Variants in AFF3 observed in about 807,000 individuals in gnomAD.
The protein encoded by AFF3 is AF4/FMR2 family member 3.
A neutral mutation model predicts 129.7 loss-of-function variants in AFF3; 32 were observed. The ratio of observed to expected loss-of-function variants is 0.25; its 90% CI spans 0.19 to 0.33. AFF3 has a LOEUF of 0.33. Among genes scored for constraint, AFF3 ranks in the 10% least tolerant of loss-of-function variants. The probability of loss-of-function intolerance (pLI) is 1.00; values close to 1 mark genes in which losing one functional copy is unlikely to be tolerated. For missense variants in AFF3, 1,373 were observed against 1,592.0 expected, an observed-to-expected ratio of 0.86 and a Z score of 2.34; for synonymous variants, 644 against 635.4, an observed-to-expected ratio of 1.01 and a Z score of -0.20.
intron 13 of AFF3, among the ~76,000 whole-genome samples, chr2:99,640,516 A>G (rs1318094085): frequency 2.0e-5 from 3 of 152,176 alleles, no homozygotes; most frequent in Non-Finnish European, 4.4e-5. Context: ...TGCTTTGCCC[A>G]AAGTAAATTC....
intron 7 of AFF3, among the ~76,000 whole-genome samples, chr2:99,921,270 C>G (rs1695840419): frequency 6.6e-6 from 1 of 152,064 alleles, no homozygotes; most frequent in South Asian, 2.1e-4. Flanking sequence ...TTCAGATAAA[C>G]ACATATTGAT....
intron 7 of AFF3, among the ~76,000 whole-genome samples, chr2:99,885,880 A>T (rs1026093794): frequency 4.6e-5 from 7 of 152,134 alleles, no homozygotes; most frequent in Non-Finnish European, 5.9e-5. Flanking sequence ...CATGTGATAG[A>T]GCTTCTCCAC....
chr2:99,806,362 AT>A (rs1445886683), intron 8 of AFF3, among the ~76,000 whole-genome samples: 1 of 152,200 alleles, frequency 6.6e-6, no homozygotes, highest in African/African-American at 2.4e-5. Context: ...CCCTGCTCTC[AT>A]GGAATTCATG....
chr2:99,675,529 T>C (rs1412492433), intron 11 of AFF3, among the ~76,000 whole-genome samples: 1 of 152,196 alleles, frequency 6.6e-6, no homozygotes, highest in East Asian at 1.9e-4. Context: ...CTCAACTCCC[T>C]AGCAAACGGC....
chr2:99,687,446 T>C (rs1205809496), intron 11 of AFF3, among the ~76,000 whole-genome samples: 1 of 150,650 alleles, frequency 6.6e-6, no homozygotes, highest in Non-Finnish European at 1.5e-5. Flanking sequence ...GTAATGGGAG[T>C]GAGTGGGAGC....
At position 99,587,153 on chromosome 2, in the gene AFF3, C is replaced by G; in HGVS notation, c.2591+1G>C. The G allele has an allele frequency of 6.2e-7, 1 of 1,614,012 alleles. No individual in the cohort carries two copies. Among genetic ancestry groups the G allele is most frequent in the Non-Finnish European group, 8.5e-7 (1 of 1,179,960 alleles). On this transcript the variant is annotated splice_donor_variant, in intron 16 of 24. Transcript: ENST00000672756. LOFTEE classifies it high-confidence loss of function. Reference sequence around the variant, plus strand: ...TTCCACTTTGGAGGGAATGCACGTACCTGTTGATGTTCATGTTGCAGTGGT... The same window carrying G: ...TTCCACTTTGGAGGGAATGCACGTAGCTGTTGATGTTCATGTTGCAGTGGT...
At chr2:100,070,012 C>T (rs1688040984) in intron 4 of AFF3, among the ~76,000 whole-genome samples, 1 of 152,194 alleles carries the variant, frequency 6.6e-6, no homozygotes, top group African/African-American at 2.4e-5. Flanking sequence ...CCTGTCCTGA[C>T]ATTTATATCT....
At chr2:99,921,049 A>G (rs190714299) in intron 7 of AFF3, among the ~76,000 whole-genome samples, 10 of 152,208 alleles carry the variant, frequency 6.6e-5, no homozygotes, top group East Asian at 1.9e-4. Flanking sequence ...TCAGATGTCA[A>G]TTCTTCCCAA....
intron 7 of AFF3, among the ~76,000 whole-genome samples, chr2:99,979,097 T>C (rs987556601): frequency 2.1e-5 from 3 of 143,380 alleles, no homozygotes; most frequent in Admixed American, 2.0e-4. Flanking sequence ...ATAGGGCATA[T>C]TGTATTAATA....
intron 2 of AFF3, among the ~76,000 whole-genome samples, chr2:100,120,780 A>G (rs1392235415): frequency 2.0e-5 from 3 of 151,754 alleles, no homozygotes; most frequent in African/African-American, 7.3e-5. Flanking sequence ...CCATGCCTCC[A>G]TGCCACCATA....
At chr2:99,829,167 T>C (rs1309679475) in intron 8 of AFF3, among the ~76,000 whole-genome samples, 2 of 152,198 alleles carry the variant, frequency 1.3e-5, no homozygotes, top group Non-Finnish European at 2.9e-5. Context: ...ATGTGAGCTA[T>C]GCATACATTA....
intron 7 of AFF3, among the ~76,000 whole-genome samples, chr2:99,843,744 TAAAC>T (rs1041728359): frequency 1.3e-5 from 2 of 152,184 alleles, no homozygotes; most frequent in African/African-American, 4.8e-5. Context: ...GACTATAAAC[TAAAC>T]AGTCAAATCT....
At chr2:99,756,059 C>G (rs1682071273) in intron 8 of AFF3, among the ~76,000 whole-genome samples, 1 of 152,230 alleles carries the variant, frequency 6.6e-6, no homozygotes, top group South Asian at 2.1e-4. Context: ...CTTCTCTAAA[C>G]TTGGGCCCTC....
intron 8 of AFF3, 150 bp downstream of exon 8, chr2:99,837,327 T>A: frequency 1.4e-6 from 1 of 695,898 alleles, no homozygotes; most frequent in South Asian, 2.0e-5. Context: ...TTAACAGAAG[T>A]GTTGTTTCAA....
At chr2:99,594,689 G>GT (rs1381605346) in intron 14 of AFF3, among the ~76,000 whole-genome samples, 6 of 152,200 alleles carry the variant, frequency 3.9e-5, no homozygotes, top group South Asian at 4.2e-4. Flanking sequence ...TAAATCACTT[G>GT]TTTTTTTGGT....
At chr2:100,105,316 A>G (rs1032880253) in intron 3 of AFF3, 188 bp downstream of exon 3, 12 of 1,197,108 alleles carry the variant, frequency 1.0e-5, no homozygotes, top group Non-Finnish European at 1.3e-5. Context: ...TGCCGCCCGC[A>G]GCAGCGCCCC....
intron 8 of AFF3, among the ~76,000 whole-genome samples, chr2:99,770,513 A>T (rs1351333268): frequency 6.6e-6 from 1 of 152,128 alleles, no homozygotes; most frequent in Admixed American, 6.5e-5. Context: ...TGCAAGACCA[A>T]GTCCCTTTTA....
chr2:99,718,196 T>C (rs1413829270), intron 11 of AFF3, among the ~76,000 whole-genome samples: 1 of 152,226 alleles, frequency 6.6e-6, no homozygotes, highest in African/African-American at 2.4e-5. Context: ...CCATTTTCTA[T>C]AAAAATGTCC....
At chr2:99,551,640 T>C (rs1457838797) in intron 24 of AFF3, 45 bp from the exon 25 acceptor site, 1 of 1,612,110 alleles carries the variant, frequency 6.2e-7, no homozygotes, top group African/African-American at 1.3e-5. Flanking sequence ...ACATGCTAGG[T>C]GTGCTATCCT....
Sources: gnomAD v4.1 joint callset for allele counts (sites outside exome capture counted in the v4.1 genomes callset) on GRCh38, gnomAD v4.1.1 for gene constraint, MANE v1.5 for transcripts, NCBI Gene and HGNC (gene_info 2026-07-23, HGNC 2026-07-21) for gene names.